The following ATP13A4 variants were observed in gnomAD, a reference collection of about 807,000 sequenced individuals.
ATP13A4 encodes the protein probable cation-transporting ATPase 13A4.
A neutral mutation model predicts 142.5 loss-of-function variants in ATP13A4; 114 were observed. That is an observed-to-expected ratio of 0.80 (90% CI 0.69 to 0.93). The LOEUF (loss-of-function observed/expected upper bound fraction) is 0.93. Ranked by LOEUF, ATP13A4 falls within the 40% of genes least tolerant of loss-of-function variation. ATP13A4 has a pLI of 0.00. For missense variants in ATP13A4, 1,392 were observed against 1,454.0 expected, an observed-to-expected ratio of 0.96 and a Z score of 0.69; for synonymous variants, 488 against 514.8, an observed-to-expected ratio of 0.95 and a Z score of 0.70.
chr3:193,464,129 C>T (rs1346637296), intron 12 of ATP13A4, among the ~76,000 whole-genome samples: 2 of 152,296 alleles, frequency 1.3e-5, no homozygotes, highest in East Asian at 3.9e-4. Context: ...ACAACAGCAA[C>T]AAAAGCCTTC....
chr3:193,536,036 GA>G (rs1490690283), intron 1 of ATP13A4, among the ~76,000 whole-genome samples: 2 of 151,172 alleles, frequency 1.3e-5, no homozygotes, highest in Non-Finnish European at 3.0e-5. Context: ...CAGTTCCACT[GA>G]AAAAAAAGTC....
intron 18 of ATP13A4, among the ~76,000 whole-genome samples, chr3:193,443,062 G>A (rs1174225914): frequency 6.6e-6 from 1 of 152,186 alleles, no homozygotes; most frequent in Non-Finnish European, 1.5e-5. Context: ...ACAAGGGGAT[G>A]AGTTTCTCAG....
intron 2 of ATP13A4, among the ~76,000 whole-genome samples, chr3:193,560,072 T>G (rs925888104): frequency 6.6e-6 from 1 of 152,228 alleles, no homozygotes; most frequent in Admixed American, 6.5e-5. Context: ...TAGAAATTAC[T>G]AAGTTACTTT....
chr3:193,534,878 T>C (rs1314269769), intron 1 of ATP13A4, among the ~76,000 whole-genome samples: 2 of 151,136 alleles, frequency 1.3e-5, no homozygotes, highest in African/African-American at 2.4e-5. Context: ...AGGAGATGAG[T>C]CAACCCCAAA....
chr3:193,582,115 C>A (rs1280742853), intron 1 of ATP13A4, among the ~76,000 whole-genome samples: 4 of 146,568 alleles, frequency 2.7e-5, no homozygotes, highest in Non-Finnish European at 6.0e-5. Context: ...ATATAATATA[C>A]ACATATATAC....
At chr3:193,450,700 A>C (rs1273321287) in intron 17 of ATP13A4, among the ~76,000 whole-genome samples, 1 of 152,192 alleles carries the variant, frequency 6.6e-6, no homozygotes, top group African/African-American at 2.4e-5. Flanking sequence ...ATGAACCTCT[A>C]TGGCAGACGC....
intron 17 of ATP13A4, among the ~76,000 whole-genome samples, chr3:193,451,869 A>G (rs768699844): frequency 4.6e-5 from 7 of 152,196 alleles, no homozygotes; most frequent in Admixed American, 3.3e-4. Flanking sequence ...CATTAAATTA[A>G]TTTAGCTGTG....
chr3:193,438,376 A>G (rs915564545), intron 23 of ATP13A4, 99 bp downstream of exon 23: 1 of 992,756 alleles, frequency 1.0e-6, no homozygotes, highest in Non-Finnish European at 1.6e-6. Flanking sequence ...CTCCGCACCC[A>G]GGGACAGAAA....
chr3:193,483,875 A>G, intron 8 of ATP13A4, 61 bp downstream of exon 8: 1 of 1,292,086 alleles, frequency 7.7e-7, no homozygotes, highest in Non-Finnish European at 1.1e-6. Flanking sequence ...CAGAAATACA[A>G]ATTTAAATTC....
chr3:193,579,536 T>C (rs1724487023), intron 2 of ATP13A4: 2 of 151,968 alleles, frequency 1.3e-5, no homozygotes, highest in African/African-American at 2.4e-5. Context: ...GTAGTGTTTT[T>C]GGTGGCAGAG....
chr3:193,454,161 C>A lies in ATP13A4; in HGVS notation c.1967G>T (p.Arg656Leu). The change falls in exon 17 of 30, where the codon CGA becomes CTA. Residue 656 changes from arginine (R) to leucine (L), a missense_variant. Arg to Leu is a moderately radical substitution (Grantham distance 102). Transcript: ENST00000342695. ...CTTCTTGTAGGCCAGTGCTATGACT[C>A]GGAAGCCCTGTGTCGTGTAAATCTG... Reference protein sequence around the residue: ...ELQIYTTQGFRVIALAYKKLE... With the variant: ...ELQIYTTQGFLVIALAYKKLE... 1 of 1,614,130 alleles carries A rather than the reference C, an allele frequency of 6.2e-7. No homozygotes were observed. The highest frequency in any genetic ancestry group is 8.5e-7 in the Non-Finnish European group (1 of 1,179,980).
At chr3:193,479,755 T>A (rs1266118639) in intron 8 of ATP13A4, among the ~76,000 whole-genome samples, 21 of 152,100 alleles carry the variant, frequency 1.4e-4, no homozygotes. Context: ...TTCACAGAAC[T>A]AGAAAAAATA....
intron 1 of ATP13A4, among the ~76,000 whole-genome samples, chr3:193,517,670 G>A (rs1201833455): frequency 1.3e-5 from 2 of 151,206 alleles, no homozygotes; most frequent in South Asian, 4.2e-4. Flanking sequence ...TTTTTTAGTA[G>A]AGACGGGGTT....
At chr3:193,574,724 C>A (rs1335107327) in intron 2 of ATP13A4, among the ~76,000 whole-genome samples, 2 of 152,018 alleles carry the variant, frequency 1.3e-5, no homozygotes, top group Non-Finnish European at 2.9e-5. Context: ...AAAAAACAAA[C>A]AAAACAAAAA....
chr3:193,456,606 A>G (rs967174789), intron 16 of ATP13A4, among the ~76,000 whole-genome samples: 1 of 152,206 alleles, frequency 6.6e-6, no homozygotes, highest in African/African-American at 2.4e-5. Context: ...TGGTCACAGT[A>G]CAGAGGGCAA....
intron 16 of ATP13A4, among the ~76,000 whole-genome samples, chr3:193,455,383 G>A (rs534442672): frequency 3.4e-4 from 50 of 148,936 alleles, no homozygotes; most frequent in African/African-American, 1.2e-3. Context: ...GGACATGAAC[G>A]CTTTTCAAAA....
At position 193,417,923 on chromosome 3, in the gene ATP13A4, C is replaced by G. The variant is rs1715164404; in HGVS notation, c.2843-3173G>C. On this transcript the variant is annotated intron_variant, in intron 25 of 29. Coordinates refer to ENST00000342695, the MANE Select transcript of ATP13A4 (RefSeq NM_032279.4). ...GGATCACAAGGTCAGGAGATCGAGA[C>G]CATCCCGGCTAAAACGGTGAAACCC... 1.4e-5 allele frequency among the ~76,000 whole-genome samples: 2 copies of G among 146,412 alleles called. 1 individual carries two copies. The highest frequency in any genetic ancestry group is 3.0e-5 in the Non-Finnish European group (2 of 67,268).
intron 5 of ATP13A4, 93 bp from the exon 6 acceptor site, chr3:193,491,491 T>C (rs377615659): frequency 6.4e-6 from 6 of 937,618 alleles, no homozygotes; most frequent in African/African-American, 4.9e-5. Context: ...CCATGTTCAC[T>C]TTCTCACTTG....
chr3:193,412,995 C>T (rs1714850702), intron 26 of ATP13A4, among the ~76,000 whole-genome samples: 1 of 152,158 alleles, frequency 6.6e-6, no homozygotes, highest in African/African-American at 2.4e-5. Context: ...TGCACTCCAC[C>T]CTGGGCAACA....
Sources: allele counts gnomAD v4.1 joint callset (sites outside exome capture counted in the v4.1 genomes callset), GRCh38; gene constraint gnomAD v4.1.1; transcripts MANE v1.5; gene names NCBI Gene and HGNC (gene_info 2026-07-23, HGNC 2026-07-21).